The following CDH20 variants were observed in gnomAD, a reference collection of about 807,000 sequenced individuals.
CDH20 encodes the protein cadherin-20.
A neutral mutation model predicts 74.2 loss-of-function variants in CDH20; 29 were observed. The observed-to-expected ratio is 0.39, with a 90% CI of 0.29 to 0.53. The LOEUF is 0.53. CDH20 is among the 20% of genes least tolerant of loss of function. The probability of loss-of-function intolerance (pLI) is 0.69; values close to 1 mark genes in which losing one functional copy is unlikely to be tolerated. For synonymous variants in CDH20, 469 were observed against 405.4 expected (o/e 1.16, Z -1.88); for missense variants, 988 against 1,048.3 (o/e 0.94, Z 0.79).
At chr18:61,504,479 T>G (rs199900908) in intron 5 of CDH20, among the ~76,000 whole-genome samples, 1 of 151,868 alleles carries the variant, frequency 6.6e-6, no homozygotes, top group Non-Finnish European at 1.5e-5. Flanking sequence ...CGAGTGGCAG[T>G]GAAGGAGGGA....
intron 1 of CDH20, among the ~76,000 whole-genome samples, chr18:61,377,010 A>G (rs1911258681): frequency 6.6e-6 from 1 of 152,134 alleles, no homozygotes; most frequent in Non-Finnish European, 1.5e-5. Context: ...AAAGTAGAGA[A>G]TAATTTATTC....
intron 1 of CDH20, among the ~76,000 whole-genome samples, chr18:61,427,505 G>C (rs968840840): frequency 6.6e-6 from 1 of 151,972 alleles, no homozygotes; most frequent in Non-Finnish European, 1.5e-5. Flanking sequence ...CTACAAACGT[G>C]GTCTCAAACT....
At position 61,506,988 on chromosome 18, in the gene CDH20, A is replaced by G. The variant is rs147691503; in HGVS notation, c.830-385A>G. Reference sequence around the variant, plus strand: ...TGAAGCGTAAACAGAATAAATACGCACTTTGTGACCACAGTGTTTATCACT... The same window carrying G: ...TGAAGCGTAAACAGAATAAATACGCGCTTTGTGACCACAGTGTTTATCACT... On this transcript the variant is annotated intron_variant, in intron 5 of 11. Transcript: ENST00000262717. Among the ~76,000 whole-genome samples, 67 of 152,350 alleles carry G rather than the reference A, an allele frequency of 4.4e-4. 2 individuals are homozygous for G. The East Asian group carries it at 0.012, about 27-fold the overall frequency.
intron 5 of CDH20, 126 bp downstream of exon 5, chr18:61,503,246 C>T (rs554575564): frequency 4.8e-4 from 313 of 645,604 alleles, no homozygotes; most frequent in Middle Eastern, 1.2e-3. Flanking sequence ...TCCTTTCTTA[C>T]ATTCATCATG....
At chr18:61,370,450 A>G (rs1427538591) in intron 1 of CDH20, among the ~76,000 whole-genome samples, 2 of 152,148 alleles carry the variant, frequency 1.3e-5, no homozygotes, top group African/African-American at 4.8e-5. Context: ...TTGATATTTT[A>G]AATGATCACC....
intron 1 of CDH20, among the ~76,000 whole-genome samples, chr18:61,381,134 T>A (rs147807587): frequency 3.9e-5 from 6 of 152,314 alleles, no homozygotes; most frequent in African/African-American, 1.4e-4. Context: ...TATTTTAAAC[T>A]AAATCACACT....
At chr18:61,488,725 T>C (rs545464476) in intron 1 of CDH20, among the ~76,000 whole-genome samples, 2 of 152,336 alleles carry the variant, frequency 1.3e-5, no homozygotes, top group South Asian at 2.1e-4. Context: ...TTTTGTTTGT[T>C]TGTTTGTTTG....
At chr18:61,379,311 A>G (rs1911355411) in intron 1 of CDH20, among the ~76,000 whole-genome samples, 1 of 152,220 alleles carries the variant, frequency 6.6e-6, no homozygotes, top group South Asian at 2.1e-4. Context: ...AAGCATTATT[A>G]TGCTCCCTTC....
chr18:61,404,883 A>T, intron 1 of CDH20: 2 of 630,862 alleles, frequency 3.2e-6, no homozygotes, highest in East Asian at 3.2e-5. Flanking sequence ...CTGTTCTGGC[A>T]TGCTTCTAAT....
chr18:61,441,602 C>T (rs1166234660), intron 1 of CDH20, among the ~76,000 whole-genome samples: 1 of 152,088 alleles, frequency 6.6e-6, no homozygotes, highest in Admixed American at 6.5e-5. Context: ...TAGTTTTGTG[C>T]CTGTAAAATA....
At chr18:61,370,684 C>A (rs1389872626) in intron 1 of CDH20, among the ~76,000 whole-genome samples, 1 of 152,014 alleles carries the variant, frequency 6.6e-6, no homozygotes, top group Non-Finnish European at 1.5e-5. Flanking sequence ...TTCAAGTATA[C>A]AACACAGGAT....
intron 6 of CDH20, among the ~76,000 whole-genome samples, chr18:61,511,823 C>G (rs1243309809): frequency 2.6e-5 from 4 of 152,178 alleles, no homozygotes; most frequent in South Asian, 2.1e-4. Flanking sequence ...CATGTTTAAT[C>G]AAAATACATA....
At chr18:61,335,758 T>C (rs966667648) in intron 1 of CDH20, among the ~76,000 whole-genome samples, 1 of 152,248 alleles carries the variant, frequency 6.6e-6, no homozygotes, top group Admixed American at 6.5e-5. Flanking sequence ...CTATAAAATA[T>C]GCCATTTTAA....
rs1912939403 is a variant in CDH20, at chr18:61,539,224, C to A, written c.1530+79C>A. The A allele has an allele frequency of 2.9e-5, 42 of 1,463,946 alleles. No individual in the cohort carries two copies. In the South Asian group the frequency reaches 5.0e-4, roughly 17 times the overall value. The allele number at this position is 1,463,946 out of a possible 1,614,324, so 90.7% of individuals were successfully genotyped here. A position where few individuals can be genotyped will look rare whatever the true frequency, so the allele number is the denominator to read the frequency against. ...ATTGTTAGATAACCAAATTCACCAT[C>A]AAAGCCATTTTGACTCCAGAAACGA... On this transcript the variant is annotated intron_variant, in intron 9 of 11. Transcript: ENST00000262717.
intron 1 of CDH20, among the ~76,000 whole-genome samples, chr18:61,489,459 G>C (rs1267477188): frequency 6.6e-6 from 1 of 151,878 alleles, no homozygotes; most frequent in Non-Finnish European, 1.5e-5. Context: ...GTTGACTTGA[G>C]TGTTATGCCA....
intron 1 of CDH20, among the ~76,000 whole-genome samples, chr18:61,357,184 G>A (rs919729672): frequency 3.9e-5 from 6 of 152,076 alleles, no homozygotes; most frequent in East Asian, 1.9e-4. Flanking sequence ...GATTTTACCC[G>A]TCTTTTGCTT....
At chr18:61,489,064 A>G (rs1332831134) in intron 1 of CDH20, among the ~76,000 whole-genome samples, 1 of 152,250 alleles carries the variant, frequency 6.6e-6, no homozygotes, top group Non-Finnish European at 1.5e-5. Flanking sequence ...TGGAGCTCAT[A>G]AGAGGCACAG....
chr18:61,482,511 C>T (rs1910623508), intron 1 of CDH20, among the ~76,000 whole-genome samples: 1 of 152,188 alleles, frequency 6.6e-6, no homozygotes. Context: ...TCCCTGGACT[C>T]TTAACTGATT....
chr18:61,532,803 C>T (rs1318537048), intron 7 of CDH20, among the ~76,000 whole-genome samples: 1 of 152,200 alleles, frequency 6.6e-6, no homozygotes, highest in Non-Finnish European at 1.5e-5. Flanking sequence ...ATATGGATTA[C>T]AGTTGCTGGC....
Sources: gnomAD v4.1 joint callset for allele counts (sites outside exome capture counted in the v4.1 genomes callset) on GRCh38, gnomAD v4.1.1 for gene constraint, MANE v1.5 for transcripts, NCBI Gene and HGNC (gene_info 2026-07-23, HGNC 2026-07-21) for gene names.